The following RORA variants were observed in gnomAD, a reference collection of about 807,000 sequenced individuals.
RORA encodes the protein nuclear receptor ROR-alpha.
RORA carries 7 observed loss-of-function variants against 69.5 expected under a neutral mutation model. The ratio of observed to expected loss-of-function variants is 0.10; its 90% CI spans 0.06 to 0.19. RORA has a LOEUF of 0.19. Ranked by LOEUF, RORA falls within the 10% of genes least tolerant of loss-of-function variation. The pLI, the probability that RORA is intolerant of heterozygous loss-of-function variation, is 1.00. For missense variants in RORA, 457 were observed against 663.0 expected (o/e 0.69, Z 3.41); for synonymous variants, 261 against 240.8 (o/e 1.08, Z -0.78).
Position 61,081,414 on chromosome 15 carries a change from G to C in RORA, c.166+147639C>G, listed in dbSNP as rs181942516. 1.8e-3 allele frequency among the ~76,000 whole-genome samples: 275 copies of C among 152,168 alleles called. 2 individuals carry two copies. Among genetic ancestry groups the C allele is most frequent in the African/African-American group, 6.4e-3 (266 of 41,524 alleles). On this transcript the variant is annotated intron_variant, in intron 1 of 10. Transcript: ENST00000335670. ...TTTTTTAAATTGTTTACAAGCTTGGGACCAAAAAATATACATATTTGCAGA... is the reference window on the plus strand; with the variant it reads ...TTTTTTAAATTGTTTACAAGCTTGGCACCAAAAAATATACATATTTGCAGA...
At chr15:61,054,876 G>A (rs1478844071) in intron 1 of RORA, among the ~76,000 whole-genome samples, 2 of 139,034 alleles carry the variant, frequency 1.4e-5, no homozygotes, top group African/African-American at 5.4e-5. Flanking sequence ...TCACTCTGTT[G>A]CCCAGGCTGG....
intron 1 of RORA, among the ~76,000 whole-genome samples, chr15:60,835,813 C>T (rs1430303984): frequency 6.6e-6 from 1 of 152,176 alleles, no homozygotes; most frequent in Non-Finnish European, 1.5e-5. Flanking sequence ...AGATGACTGG[C>T]CTCTGTCATT....
In RORA at chr15:60,734,152, G is replaced by A. The variant is rs370609800; in HGVS notation, c.167-55466C>T. On this transcript the variant is annotated intron_variant, in intron 1 of 10. Transcript: ENST00000335670. ...AGCAGGATTTTTAGTGTTAATTACAGCTGCTGTTCATTCAATGTGACCCCT... is the reference window on the plus strand; with the variant it reads ...AGCAGGATTTTTAGTGTTAATTACAACTGCTGTTCATTCAATGTGACCCCT... Among the ~76,000 whole-genome samples, 49 of 152,252 alleles carry A rather than the reference G, an allele frequency of 3.2e-4. 1 individual carries two copies. In the South Asian group the frequency reaches 9.8e-3, roughly 30 times the overall value.
At chr15:61,197,547 T>C (rs1053543047) in intron 1 of RORA, among the ~76,000 whole-genome samples, 1 of 152,224 alleles carries the variant, frequency 6.6e-6, no homozygotes, top group African/African-American at 2.4e-5. Flanking sequence ...TCTGGTTTCA[T>C]TGGCAGATCT....
intron 1 of RORA, among the ~76,000 whole-genome samples, chr15:61,079,774 T>G (rs573018604): frequency 6.6e-6 from 1 of 152,330 alleles, no homozygotes; most frequent in South Asian, 2.1e-4. Flanking sequence ...GCTAGGGAGT[T>G]TTACACGAGC....
At chr15:60,811,569 T>G (rs947688590) in intron 1 of RORA, among the ~76,000 whole-genome samples, 1 of 152,252 alleles carries the variant, frequency 6.6e-6, no homozygotes, top group Non-Finnish European at 1.5e-5. Flanking sequence ...CCATTCTGTC[T>G]AAGCTCCTTC....
intron 1 of RORA, among the ~76,000 whole-genome samples, chr15:61,031,256 T>G (rs1227985070): frequency 2.0e-5 from 3 of 152,200 alleles, no homozygotes; most frequent in Non-Finnish European, 2.9e-5. Flanking sequence ...CTTATGAAAG[T>G]GTAATTTATA....
At chr15:60,692,042 C>T (rs186243798) in intron 1 of RORA, among the ~76,000 whole-genome samples, 124 of 152,284 alleles carry the variant, frequency 8.1e-4, no homozygotes, top group African/African-American at 2.7e-3. Context: ...ATTTTGGAAA[C>T]AGTGATTTCA....
At chr15:60,627,514 C>G in intron 2 of RORA, 1 of 1,480,244 alleles carries the variant, frequency 6.8e-7, no homozygotes, top group Non-Finnish European at 8.9e-7. Flanking sequence ...GGATAATGCT[C>G]AGAGGCCCTG....
intron 1 of RORA, chr15:60,763,949 G>C (rs1196716135): frequency 6.6e-6 from 1 of 152,106 alleles, no homozygotes; most frequent in Non-Finnish European, 1.5e-5. Flanking sequence ...TCTCATTACA[G>C]TTAGAGTGAG....
In RORA at chr15:60,710,014, A is replaced by C. The variant is rs78738928; in HGVS notation, c.167-31328T>G. 6.6e-3 allele frequency among the ~76,000 whole-genome samples: 999 copies of C among 152,196 alleles called. 11 individuals carry two copies. The highest frequency in any genetic ancestry group is 0.023 in the African/African-American group (964 of 41,520). ...AAGTTCTGCTGAGGAGGGAAGTAGT[A>C]ACTTGAATATCATGTGTCTGGTCTG... On this transcript the variant is annotated intron_variant, in intron 1 of 10. Coordinates refer to ENST00000335670, the MANE Select transcript of RORA (RefSeq NM_134261.3).
intron 1 of RORA, among the ~76,000 whole-genome samples, chr15:60,924,869 A>G (rs1220651663): frequency 6.6e-6 from 1 of 152,108 alleles, no homozygotes; most frequent in Non-Finnish European, 1.5e-5. Flanking sequence ...ACTTGAGGTC[A>G]GGAGTTCGAG....
chr15:61,075,766 C>T (rs921946621), intron 1 of RORA, among the ~76,000 whole-genome samples: 3 of 152,166 alleles, frequency 2.0e-5, no homozygotes, highest in African/African-American at 7.2e-5. Context: ...CGCGTTATAC[C>T]ACAGCTGCTT....
chr15:60,528,789 C>G (rs1461859226), intron 3 of RORA: 1 of 152,086 alleles, frequency 6.6e-6, no homozygotes, highest in Non-Finnish European at 1.5e-5. Flanking sequence ...ATGTGACAAC[C>G]CTATGAAGTT....
At chr15:60,720,876 G>A (rs1418522128) in intron 1 of RORA, among the ~76,000 whole-genome samples, 1 of 151,946 alleles carries the variant, frequency 6.6e-6, no homozygotes, top group East Asian at 1.9e-4. Flanking sequence ...GCCATATTTC[G>A]ACTGGGGGCT....
At chr15:61,185,938 G>A (rs1403623417) in intron 1 of RORA, among the ~76,000 whole-genome samples, 1 of 151,894 alleles carries the variant, frequency 6.6e-6, no homozygotes, top group African/African-American at 2.4e-5. Flanking sequence ...TTCTCTACTG[G>A]ATAAACTCCT....
chr15:61,009,736 T>C (rs1895030710), intron 1 of RORA, among the ~76,000 whole-genome samples: 1 of 152,202 alleles, frequency 6.6e-6, no homozygotes, highest in Admixed American at 6.5e-5. Context: ...TATCCTGAGG[T>C]AAAATATTAT....
At chr15:61,130,410 TGG>T (rs2079180209) in intron 1 of RORA, among the ~76,000 whole-genome samples, 1 of 152,214 alleles carries the variant, frequency 6.6e-6, no homozygotes, top group South Asian at 2.1e-4. Flanking sequence ...TGATATTTTA[TGG>T]TGGGCTTTAT....
intron 2 of RORA, among the ~76,000 whole-genome samples, chr15:60,657,279 T>C (rs191826310): frequency 6.1e-4 from 93 of 152,206 alleles, no homozygotes; most frequent in Non-Finnish European, 1.1e-3. Flanking sequence ...TCCTCTTATT[T>C]TGGATATTGC....
Sources: gnomAD v4.1 joint callset for allele counts (sites outside exome capture counted in the v4.1 genomes callset) on GRCh38, gnomAD v4.1.1 for gene constraint, MANE v1.5 for transcripts, NCBI Gene and HGNC (gene_info 2026-07-23, HGNC 2026-07-21) for gene names.